The following NCKAP5 variants were observed in gnomAD, a reference collection of about 807,000 sequenced individuals.
The protein encoded by NCKAP5 is NCK associated protein 5, also known as nck-associated protein 5.
NCKAP5 carries 92 observed loss-of-function variants against 167.0 expected under a neutral mutation model. The observed-to-expected ratio is 0.55, with a 90% CI of 0.47 to 0.66. The LOEUF (loss-of-function observed/expected upper bound fraction) is 0.66, where lower values mean the gene tolerates loss of function less well. Among genes scored for constraint, NCKAP5 ranks in the 30% least tolerant of loss-of-function variants. The pLI is 0.00. For synonymous variants in NCKAP5, 891 were observed against 877.4 expected (o/e 1.02, Z -0.27); for missense variants, 2,378 against 2,315.0 (o/e 1.03, Z -0.56).
At chr2:133,164,026 G>C (rs554711312) in intron 5 of NCKAP5, among the ~76,000 whole-genome samples, 1 of 152,250 alleles carries the variant, frequency 6.6e-6, no homozygotes, top group African/African-American at 2.4e-5. Context: ...AGCACAGCAA[G>C]GCCTCAGAAA....
intron 4 of NCKAP5, among the ~76,000 whole-genome samples, chr2:133,296,849 T>C (rs1679998062): frequency 6.6e-6 from 1 of 152,176 alleles, no homozygotes; most frequent in African/African-American, 2.4e-5. Context: ...TTATATATAA[T>C]TTTACATTTG....
intron 6 of NCKAP5, among the ~76,000 whole-genome samples, chr2:133,068,091 G>A (rs1486213971): frequency 5.3e-5 from 8 of 152,130 alleles, no homozygotes. Context: ...AAGGCAAGGA[G>A]TCCTGAAGGG....
In NCKAP5 at chr2:133,307,319, C is replaced by A. The variant is rs574344944; in HGVS notation, c.70-4209G>T. Among the ~76,000 whole-genome samples, 156 of 152,114 alleles carry A rather than the reference C, an allele frequency of 1.0e-3. 3 individuals carry two copies. Among genetic ancestry groups the A allele is most frequent in the South Asian group, 2.7e-3 (13 of 4,818 alleles). ...GGCCAGAAAATATCAGTTTGTCAAA[C>A]AATGATAGAATTTGAGTACTTGATA... On this transcript the variant is annotated intron_variant, in intron 3 of 19. Coordinates refer to ENST00000409261, the MANE Select transcript of NCKAP5 (RefSeq NM_207363.3).
intron 3 of NCKAP5, among the ~76,000 whole-genome samples, chr2:133,439,975 T>C (rs1314898643): frequency 6.6e-6 from 1 of 152,210 alleles, no homozygotes; most frequent in Non-Finnish European, 1.5e-5. Context: ...TTGTAAGCGT[T>C]CCTCGGGTAT....
chr2:132,771,839 A>ATTTTTTT (rs70973406), intron 16 of NCKAP5, among the ~76,000 whole-genome samples: 24 of 100,800 alleles, frequency 2.4e-4, no homozygotes, highest in African/African-American at 2.3e-4. Flanking sequence ...CGCCCGGCTA[A>ATTTTTTT]TTTTTTTTTT....
chr2:133,407,441 G>A (rs1304411400), intron 3 of NCKAP5, among the ~76,000 whole-genome samples: 2 of 152,170 alleles, frequency 1.3e-5, no homozygotes, highest in Non-Finnish European at 2.9e-5. Flanking sequence ...AGCATTCAAA[G>A]CAATTTGGCA....
chr2:133,084,690 T>C (rs2080924893), intron 6 of NCKAP5, among the ~76,000 whole-genome samples: 1 of 152,138 alleles, frequency 6.6e-6, no homozygotes, highest in African/African-American at 2.4e-5. Context: ...ATAAACTTCA[T>C]ACATCAAGCT....
rs558730318 is a variant in NCKAP5 at position 132,743,338 on chromosome 2, T to C, written c.5129-11287A>G. On this transcript the variant is annotated intron_variant, in intron 16 of 19. Coordinates refer to ENST00000409261, the MANE Select transcript of NCKAP5 (RefSeq NM_207363.3). ...ATTAAAGAATGGAGAACACTAGAAA[T>C]AGTAATATATGATCTATATATATAT... Among the ~76,000 whole-genome samples, 439 of 151,930 alleles carry C rather than the reference T, an allele frequency of 2.9e-3. 3 individuals carry two copies. Among genetic ancestry groups the C allele is most frequent in the African/African-American group, 0.01 (418 of 41,506 alleles).
intron 3 of NCKAP5, among the ~76,000 whole-genome samples, chr2:133,346,503 G>A (rs762083590): frequency 6.6e-6 from 1 of 152,168 alleles, no homozygotes; most frequent in Non-Finnish European, 1.5e-5. Context: ...GTTAGCTAAG[G>A]GAAAACATGT....
At chr2:133,068,997 T>C (rs1167890069) in intron 6 of NCKAP5, among the ~76,000 whole-genome samples, 3 of 152,342 alleles carry the variant, frequency 2.0e-5, no homozygotes, top group African/African-American at 7.2e-5. Context: ...TTCTGGATTA[T>C]AGCTTTTCTT....
intron 4 of NCKAP5, among the ~76,000 whole-genome samples, chr2:133,300,279 G>C (rs1400913771): frequency 7.5e-6 from 1 of 132,624 alleles, no homozygotes; most frequent in Non-Finnish European, 1.6e-5. Flanking sequence ...CTCATTTTAT[G>C]AGGCCAGCAT....
chr2:133,136,409 T>C (rs10198384), intron 5 of NCKAP5, among the ~76,000 whole-genome samples: 79,918 of 152,024 alleles, frequency 0.53, 22,772 homozygotes, highest in African/African-American at 0.77. Context: ...GGCATATATT[T>C]GACGAAACAT....
intron 4 of NCKAP5, among the ~76,000 whole-genome samples, chr2:133,237,077 A>G (rs1228863118): frequency 6.6e-6 from 1 of 152,168 alleles, no homozygotes; most frequent in African/African-American, 2.4e-5. Flanking sequence ...CTCTGTATCA[A>G]ATTTAAAAAA....
At chr2:132,919,199 C>T (rs1007896963) in intron 8 of NCKAP5, among the ~76,000 whole-genome samples, 1 of 152,088 alleles carries the variant, frequency 6.6e-6, no homozygotes, top group Non-Finnish European at 1.5e-5. Context: ...GGTGATACAG[C>T]CTTCTTGGTC....
At chr2:133,470,761 G>A (rs2151279859) in intron 3 of NCKAP5, among the ~76,000 whole-genome samples, 1 of 152,354 alleles carries the variant, frequency 6.6e-6, no homozygotes, top group African/African-American at 2.4e-5. Context: ...TCAGGTGGGA[G>A]TGACCCGATT....
At chr2:132,703,624 A>T (rs1688082009) in intron 19 of NCKAP5, among the ~76,000 whole-genome samples, 1 of 152,160 alleles carries the variant, frequency 6.6e-6, no homozygotes, top group South Asian at 2.1e-4. Flanking sequence ...TGCTGTTGTT[A>T]TTGGTGGGAG....
intron 13 of NCKAP5, among the ~76,000 whole-genome samples, chr2:132,786,649 A>G (rs1683590310): frequency 6.6e-6 from 1 of 152,124 alleles, no homozygotes; most frequent in Non-Finnish European, 1.5e-5. Flanking sequence ...CTAATAAGAA[A>G]TGGAAGGGGG....
chr2:133,641,295 A>G, the NCKAP5 span, among the ~76,000 whole-genome samples: 1 of 152,238 alleles, frequency 6.6e-6, no homozygotes, highest in African/African-American at 2.4e-5. Flanking sequence ...GGCAATAAGA[A>G]GATTCTTTAT....
chr2:132,725,205 C>A (rs1364903911), intron 19 of NCKAP5, among the ~76,000 whole-genome samples: 1 of 152,222 alleles, frequency 6.6e-6, no homozygotes, highest in East Asian at 1.9e-4. Context: ...CACAAACAGA[C>A]CTGTTCATAA....
Sources: allele counts gnomAD v4.1 joint callset (sites outside exome capture counted in the v4.1 genomes callset), GRCh38; gene constraint gnomAD v4.1.1; transcripts MANE v1.5; gene names NCBI Gene and HGNC (gene_info 2026-07-23, HGNC 2026-07-21).